ARB2A: variants seen among roughly 807,000 people sequenced by gnomAD.
ARB2A encodes the protein ARB2 cotranscriptional regulator A.
the ARB2A span, among the ~76,000 whole-genome samples, chr5:93,899,697 C>T: frequency 6.6e-6 from 1 of 152,060 alleles, no homozygotes; most frequent in Admixed American, 6.6e-5. Context: ...AACTATGTCC[C>T]TATTGATGGG....
the ARB2A span, among the ~76,000 whole-genome samples, chr5:93,857,677 G>A: frequency 2.2e-3 from 342 of 152,260 alleles, no homozygotes; most frequent in African/African-American, 7.8e-3. Context: ...GATTTTCCAG[G>A]TGCCATCTCT....
the ARB2A span, among the ~76,000 whole-genome samples, chr5:93,708,759 T>C: frequency 1.3e-5 from 2 of 152,138 alleles, no homozygotes; most frequent in African/African-American, 4.8e-5. Flanking sequence ...CATCTTCTTT[T>C]TTCCAAGTCC....
the ARB2A span, chr5:93,683,687 G>A: frequency 1.2e-6 from 2 of 1,610,166 alleles, no homozygotes; most frequent in Non-Finnish European, 1.7e-6. Flanking sequence ...GGCCTCAGGG[G>A]GCTCATGTCC....
At chr5:93,708,812 A>T in the ARB2A span, among the ~76,000 whole-genome samples, 1 of 152,082 alleles carries the variant, frequency 6.6e-6, no homozygotes, top group Non-Finnish European at 1.5e-5. Context: ...CATTTATTCC[A>T]TTAGCCTTGG....
the ARB2A span, among the ~76,000 whole-genome samples, chr5:93,694,956 TA>T: frequency 6.6e-6 from 1 of 152,154 alleles, no homozygotes; most frequent in Non-Finnish European, 1.5e-5. Context: ...CCCTATTTAA[TA>T]AATGGTATTG....
At chr5:93,919,060 A>G in the ARB2A span, among the ~76,000 whole-genome samples, 1 of 152,202 alleles carries the variant, frequency 6.6e-6, no homozygotes, top group East Asian at 1.9e-4. Flanking sequence ...GGTATCAGGC[A>G]TTAGCATTTT....
the ARB2A span, among the ~76,000 whole-genome samples, chr5:93,680,887 C>T: frequency 6.6e-6 from 1 of 152,108 alleles, no homozygotes; most frequent in East Asian, 1.9e-4. Flanking sequence ...TCCCTTTCTT[C>T]TATTGTTTCT....
chr5:93,682,444 C>A, the ARB2A span, among the ~76,000 whole-genome samples: 1 of 149,656 alleles, frequency 6.7e-6, no homozygotes, highest in Non-Finnish European at 1.5e-5. Flanking sequence ...CTGAATTTCT[C>A]TTTTTCTAGT....
the ARB2A span, among the ~76,000 whole-genome samples, chr5:94,061,244 GA>G: frequency 2.7e-5 from 4 of 150,094 alleles, no homozygotes; most frequent in Admixed American, 2.7e-4. Context: ...TCTCAAAAAA[GA>G]AAAAAAAATC....
chr5:94,109,339 ACTT>A, the ARB2A span, among the ~76,000 whole-genome samples: 1 of 152,124 alleles, frequency 6.6e-6, no homozygotes, highest in Non-Finnish European at 1.5e-5. Context: ...ATGATGAAAA[ACTT>A]CTGAGTGAAA....
chr5:93,640,862 T>TA, the ARB2A span, among the ~76,000 whole-genome samples: 4 of 152,192 alleles, frequency 2.6e-5, no homozygotes, highest in Non-Finnish European at 5.9e-5. Flanking sequence ...CATTATTTCC[T>TA]ACTTCTTTGC....
the ARB2A span, among the ~76,000 whole-genome samples, chr5:94,030,358 G>C: frequency 6.6e-6 from 1 of 152,232 alleles, no homozygotes; most frequent in Non-Finnish European, 1.5e-5. Flanking sequence ...AGATCATTCA[G>C]GTTGTTGGCA....
the ARB2A span, among the ~76,000 whole-genome samples, chr5:93,993,614 T>C: frequency 6.6e-6 from 1 of 152,116 alleles, no homozygotes; most frequent in Admixed American, 6.6e-5. Flanking sequence ...ATTATAGAGC[T>C]ATTTTTATAA....
the ARB2A span, among the ~76,000 whole-genome samples, chr5:93,700,623 G>A: frequency 6.6e-6 from 1 of 152,050 alleles, no homozygotes; most frequent in Non-Finnish European, 1.5e-5. Context: ...TATAAAGAGA[G>A]TACTACTTAT....
chr5:93,985,451 G>A, the ARB2A span, among the ~76,000 whole-genome samples: 19 of 146,126 alleles, frequency 1.3e-4, no homozygotes, highest in South Asian at 2.8e-3. Context: ...TCCATCTCCC[G>A]CTTTCCACGG....
the ARB2A span, among the ~76,000 whole-genome samples, chr5:93,826,604 T>C: frequency 6.6e-6 from 1 of 152,174 alleles, no homozygotes; most frequent in South Asian, 2.1e-4. Context: ...TTTTAATTTT[T>C]TTTATTATAC....
the ARB2A span, among the ~76,000 whole-genome samples, chr5:93,996,509 A>C: frequency 6.6e-6 from 1 of 152,072 alleles, no homozygotes; most frequent in African/African-American, 2.4e-5. Context: ...CAAATAAACT[A>C]TTATTGGTTC....
chr5:93,879,811 A>T, the ARB2A span, among the ~76,000 whole-genome samples: 1 of 151,900 alleles, frequency 6.6e-6, no homozygotes, highest in South Asian at 2.1e-4. Flanking sequence ...AGAAGAAATA[A>T]ACCTAATATA....
chr5:94,002,878 C>T, the ARB2A span, among the ~76,000 whole-genome samples: 13 of 151,874 alleles, frequency 8.6e-5, no homozygotes, highest in South Asian at 4.2e-4. Context: ...ACTCATAAAG[C>T]GGGTAGATAA....
Sources: allele counts gnomAD v4.1 joint callset (sites outside exome capture counted in the v4.1 genomes callset), GRCh38; gene constraint gnomAD v4.1.1; transcripts MANE v1.5; gene names NCBI Gene and HGNC (gene_info 2026-07-23, HGNC 2026-07-21).